The following MINDY4 variants were observed in gnomAD, a reference collection of about 807,000 sequenced individuals.
The protein encoded by MINDY4 is MINDY lysine 48 deubiquitinase 4, also known as probable ubiquitin carboxyl-terminal hydrolase MINDY-4.
Under a neutral mutation model 87.0 loss-of-function variants are expected in MINDY4, and 68 were observed. The ratio of observed to expected loss-of-function variants is 0.78; its 90% CI spans 0.64 to 0.96. The LOEUF is 0.96. Ranked by LOEUF, MINDY4 falls within the 40% of genes least tolerant of loss-of-function variation. MINDY4 has a pLI of 0.00. For missense variants in MINDY4, 919 were observed against 928.2 expected (o/e 0.99, Z 0.13); for synonymous variants, 379 against 363.2 (o/e 1.04, Z -0.50).
At chr7:30,883,488 T>C (rs529617256) in intron 17 of MINDY4, among the ~76,000 whole-genome samples, 1 of 152,294 alleles carries the variant, frequency 6.6e-6, no homozygotes, top group African/African-American at 2.4e-5. Flanking sequence ...CACTGAGCAG[T>C]GTGCCTCTGG....
chr7:30,812,271 AG>A (rs57391101), intron 5 of MINDY4, among the ~76,000 whole-genome samples: 784 of 55,800 alleles, frequency 0.014, 9 homozygotes, highest in East Asian at 0.11. Context: ...ATGTGTGTTG[AG>A]GGGGGGGGGG....
At chr7:30,779,279 A>G (rs552851950) in intron 2 of MINDY4, among the ~76,000 whole-genome samples, 1 of 152,344 alleles carries the variant, frequency 6.6e-6, no homozygotes, top group South Asian at 2.1e-4. Flanking sequence ...TCACTATTTT[A>G]TCCCCAAACA....
chr7:30,882,290 C>T lies in MINDY4; in HGVS notation c.2081C>T (p.Thr694Ile). 6.2e-7 allele frequency: 1 copy of T among 1,613,960 alleles called. No individual in the cohort carries two copies. The highest frequency in any genetic ancestry group is 8.5e-7 in the Non-Finnish European group (1 of 1,179,878). Residue 694 changes from threonine to isoleucine, a missense_variant, in exon 16 of 18, where the codon ACT becomes ATT. Thr to Ile is a moderately conservative substitution (Grantham distance 89). Transcript: ENST00000265299. ...CCGGGGCTCCTGCGTGACTGGAGGACTGAGAGGCTCTTTGACTTGTACTAC... is the reference window on the plus strand; with the variant it reads ...CCGGGGCTCCTGCGTGACTGGAGGATTGAGAGGCTCTTTGACTTGTACTAC... ...LQPGLLRDWR[T>I]ERLFDLYYYD...
intron 5 of MINDY4, among the ~76,000 whole-genome samples, chr7:30,799,779 A>G (rs2128170561): frequency 1.3e-5 from 2 of 152,300 alleles, no homozygotes; most frequent in Middle Eastern, 6.8e-3. Flanking sequence ...AGCCTGAGTC[A>G]GATTCCGGTA....
At chr7:30,830,129 A>G (rs1788653501) in intron 6 of MINDY4, among the ~76,000 whole-genome samples, 1 of 152,110 alleles carries the variant, frequency 6.6e-6, no homozygotes, top group Admixed American at 6.5e-5. Context: ...GGTTAGAGGA[A>G]CAACACTCCT....
At chr7:30,834,151 C>T (rs968557421) in intron 6 of MINDY4, among the ~76,000 whole-genome samples, 2 of 152,272 alleles carry the variant, frequency 1.3e-5, no homozygotes, top group African/African-American at 4.8e-5. Context: ...TCCATCCCCA[C>T]ATTTCCTTTC....
rs573026878 is a variant in MINDY4, at chr7:30,877,683, CT to C, written c.1971+2043del. On this transcript the variant is annotated intron_variant, in intron 15 of 17. Transcript: ENST00000265299. ...CCCTCTTCTTCTTCTTCTTCTTCTT[CT>C]TTTTTTTTTTTTTTTGAGACAAGGT... 2.6e-3 allele frequency among the ~76,000 whole-genome samples: 295 copies of C among 112,666 alleles called. 1 individual carries two copies. Among genetic ancestry groups the C allele is most frequent in the Middle Eastern group, 0.024 (5 of 210 alleles). 73.9% of individuals were successfully genotyped at this position (112,666 alleles called of 152,430 possible).
At chr7:30,890,523 T>G (rs1177183951) in intron 17 of MINDY4, among the ~76,000 whole-genome samples, 2 of 152,228 alleles carry the variant, frequency 1.3e-5, no homozygotes, top group African/African-American at 4.8e-5. Context: ...AAGAAATCTT[T>G]CTGCTCATTC....
intron 13 of MINDY4, among the ~76,000 whole-genome samples, chr7:30,862,657 C>T (rs10230970): frequency 0.12 from 18,553 of 152,218 alleles, 2,703 homozygotes; most frequent in African/African-American, 0.35. Flanking sequence ...CAAATGTCAC[C>T]CACCTCAGGC....
rs1786632685 is a variant in MINDY4 at position 30,771,527 on chromosome 7, T to G, written c.34T>G (p.Ser12Ala). Residue 12 changes from serine to alanine, a missense_variant, in exon 1 of 18, where the codon TCC (serine) becomes GCC (alanine). Transcript: ENST00000265299. ...DSLFVEEVAASLVREFLSRKG... is the reference protein window; with the variant it reads ...DSLFVEEVAAALVREFLSRKG... ...CCTCTTCGTGGAGGAGGTGGCCGCCTCCTTGGTCAGGGAGTTCCTCAGCAG... is the reference window on the plus strand; with the variant it reads ...CCTCTTCGTGGAGGAGGTGGCCGCCGCCTTGGTCAGGGAGTTCCTCAGCAG... The G allele has an allele frequency of 6.2e-7, 1 of 1,604,638 alleles. No individual in the cohort carries two copies. Among genetic ancestry groups the G allele is most frequent in the East Asian group, 2.2e-5 (1 of 44,528 alleles).
intron 17 of MINDY4, among the ~76,000 whole-genome samples, chr7:30,888,957 T>C (rs1790713271): frequency 6.6e-6 from 1 of 152,194 alleles, no homozygotes; most frequent in Non-Finnish European, 1.5e-5. Flanking sequence ...CTTGCCAGGA[T>C]TCAAGGAATT....
At chr7:30,817,160 T>C (rs1254203734) in intron 5 of MINDY4, among the ~76,000 whole-genome samples, 2 of 152,086 alleles carry the variant, frequency 1.3e-5, no homozygotes, top group Non-Finnish European at 2.9e-5. Flanking sequence ...AGAACTCCCA[T>C]CCTCTCCCTG....
At chr7:30,869,429 G>A (rs1415227662) in intron 13 of MINDY4, among the ~76,000 whole-genome samples, 1 of 152,192 alleles carries the variant, frequency 6.6e-6, no homozygotes, top group Non-Finnish European at 1.5e-5. Context: ...GAGGCTACTT[G>A]TGTTGGTTTC....
intron 5 of MINDY4, among the ~76,000 whole-genome samples, chr7:30,809,915 C>T (rs1410046762): frequency 6.6e-6 from 1 of 151,968 alleles, no homozygotes; most frequent in Non-Finnish European, 1.5e-5. Context: ...CAGTGGCTCA[C>T]GTCTGTAATC....
intron 9 of MINDY4, among the ~76,000 whole-genome samples, chr7:30,847,193 CT>C (rs1384303202): frequency 6.6e-6 from 1 of 152,206 alleles, no homozygotes; most frequent in Non-Finnish European, 1.5e-5. Context: ...GATCACTGTA[CT>C]TTTTCCAACT....
intron 17 of MINDY4, among the ~76,000 whole-genome samples, chr7:30,891,262 G>T (rs554202029): frequency 1.3e-5 from 2 of 152,122 alleles, no homozygotes; most frequent in Non-Finnish European, 1.5e-5. Flanking sequence ...AGTGTTTTTA[G>T]AAAATTAGCA....
At chr7:30,851,141 G>C (rs1789402059) in intron 10 of MINDY4, among the ~76,000 whole-genome samples, 2 of 152,212 alleles carry the variant, frequency 1.3e-5, no homozygotes, top group African/African-American at 2.4e-5. Context: ...AGCCTGATCC[G>C]TCAGAGTGGA....
At chr7:30,818,802 T>C (rs1473885461) in intron 5 of MINDY4, among the ~76,000 whole-genome samples, 1 of 152,220 alleles carries the variant, frequency 6.6e-6, no homozygotes, top group Non-Finnish European at 1.5e-5. Context: ...CATTTTTTCG[T>C]CAGTTTTGTG....
chr7:30,821,089 A>G (rs2107552), intron 5 of MINDY4, among the ~76,000 whole-genome samples: 57,061 of 152,138 alleles, frequency 0.38, 13,880 homozygotes, highest in African/African-American at 0.68. Context: ...TGAGATTTTA[A>G]GAAGCTTTAA....
Sources: gnomAD v4.1 joint callset for allele counts (sites outside exome capture counted in the v4.1 genomes callset) on GRCh38, gnomAD v4.1.1 for gene constraint, MANE v1.5 for transcripts, NCBI Gene and HGNC (gene_info 2026-07-23, HGNC 2026-07-21) for gene names.